Variants in PCSK5 observed in about 807,000 individuals in gnomAD.
The protein encoded by PCSK5 is proprotein convertase subtilisin/kexin type 5.
Under a neutral mutation model 233.2 loss-of-function variants are expected in PCSK5, and 129 were observed. The ratio of observed to expected loss-of-function variants is 0.55; its 90% CI spans 0.48 to 0.64. The LOEUF (loss-of-function observed/expected upper bound fraction) is 0.64. PCSK5 is among the 30% of genes least tolerant of loss of function. PCSK5 has a pLI of 0.00. For synonymous variants in PCSK5, 825 were observed against 879.2 expected (o/e 0.94, Z 1.09); for missense variants, 2,076 against 2,430.1 (o/e 0.85, Z 3.06).
chr9:75,992,869 G>A (rs914097106), intron 3 of PCSK5, among the ~76,000 whole-genome samples: 1 of 152,154 alleles, frequency 6.6e-6, no homozygotes, highest in Non-Finnish European at 1.5e-5. Flanking sequence ...ATTCATATTT[G>A]TCGATCAGCA....
chr9:75,982,308 C>T (rs1464838046), intron 2 of PCSK5, among the ~76,000 whole-genome samples: 1 of 152,166 alleles, frequency 6.6e-6, no homozygotes, highest in Admixed American at 6.5e-5. Flanking sequence ...CGCACATTCA[C>T]ATGTGTACAT....
intron 5 of PCSK5, among the ~76,000 whole-genome samples, chr9:76,035,038 T>C (rs1206616303): frequency 1.3e-5 from 2 of 152,192 alleles, no homozygotes; most frequent in Non-Finnish European, 2.9e-5. Context: ...TTGTCTGTCT[T>C]GCCCTCTGGC....
chr9:76,118,749 C>G (rs895590880), intron 9 of PCSK5, among the ~76,000 whole-genome samples: 1 of 151,730 alleles, frequency 6.6e-6, no homozygotes, highest in African/African-American at 2.4e-5. Flanking sequence ...TTTTACAAAA[C>G]ATATATATAA....
chr9:76,065,444 G>A (rs1352157817), intron 5 of PCSK5, among the ~76,000 whole-genome samples: 2 of 152,088 alleles, frequency 1.3e-5, no homozygotes, highest in Non-Finnish European at 2.9e-5. Flanking sequence ...CATACCCGTA[G>A]TCCAATTATA....
At chr9:76,312,640 G>A (rs998275288) in intron 30 of PCSK5, among the ~76,000 whole-genome samples, 1 of 151,932 alleles carries the variant, frequency 6.6e-6, no homozygotes, top group African/African-American at 2.4e-5. Flanking sequence ...TAAATATAAG[G>A]TATTTACCCT....
At chr9:76,279,022 A>T (rs1299535343) in intron 24 of PCSK5, among the ~76,000 whole-genome samples, 1 of 148,556 alleles carries the variant, frequency 6.7e-6, no homozygotes, top group Non-Finnish European at 1.5e-5. Context: ...CTAACTCGTC[A>T]TCTAGCATTA....
chr9:76,148,539 A>G (rs1018082501), intron 10 of PCSK5, among the ~76,000 whole-genome samples: 4 of 152,048 alleles, frequency 2.6e-5, no homozygotes, highest in African/African-American at 9.7e-5. Context: ...GGCCCTCTCT[A>G]TGTCATTTAC....
At chr9:76,023,108 A>G (rs958371456) in intron 3 of PCSK5, among the ~76,000 whole-genome samples, 5 of 152,218 alleles carry the variant, frequency 3.3e-5, no homozygotes, top group African/African-American at 4.8e-5. Context: ...ATGAAATGCT[A>G]TGATGCCTAT....
intron 7 of PCSK5, among the ~76,000 whole-genome samples, chr9:76,079,131 A>C (rs1181414272): frequency 6.6e-6 from 1 of 150,796 alleles, no homozygotes; most frequent in African/African-American, 2.4e-5. Context: ...GATGGAGTTC[A>C]CCCTGTCACC....
chr9:76,308,603 A>G (rs1303880540), intron 28 of PCSK5, 42 bp from the exon 29 acceptor site: 18 of 1,158,632 alleles, frequency 1.6e-5, no homozygotes, highest in Non-Finnish European at 2.3e-5. Context: ...CTATGTGCCT[A>G]TTCCAAGGAG....
At chr9:75,901,463 G>A (rs140633464) in intron 1 of PCSK5, among the ~76,000 whole-genome samples, 260 of 152,196 alleles carry the variant, frequency 1.7e-3, no homozygotes, top group African/African-American at 6.1e-3. Flanking sequence ...ACACACTGGA[G>A]CCTGTTGGGG....
chr9:76,114,705 T>C (rs1832356135), intron 9 of PCSK5, among the ~76,000 whole-genome samples: 1 of 144,108 alleles, frequency 6.9e-6, no homozygotes, highest in African/African-American at 2.9e-5. Flanking sequence ...TTTTGAAAAA[T>C]GTTATTAGTC....
chr9:76,100,317 C>T (rs1259093731), intron 8 of PCSK5, among the ~76,000 whole-genome samples: 2 of 152,234 alleles, frequency 1.3e-5, no homozygotes, highest in Admixed American at 1.3e-4. Context: ...GTTCACATTT[C>T]ATGTCTCACA....
At chr9:76,347,540 T>C (rs560644256) in intron 35 of PCSK5, among the ~76,000 whole-genome samples, 1 of 152,268 alleles carries the variant, frequency 6.6e-6, no homozygotes, top group East Asian at 1.9e-4. Flanking sequence ...TACAGTGCCC[T>C]TGGGTATTGC....
intron 32 of PCSK5, among the ~76,000 whole-genome samples, chr9:76,327,604 G>T (rs1017233124): frequency 2.0e-5 from 3 of 152,070 alleles, no homozygotes; most frequent in Admixed American, 6.6e-5. Flanking sequence ...CTGTATTCGT[G>T]ATAAGCTCAA....
At chr9:76,092,470 T>C in intron 7 of PCSK5, among the ~76,000 whole-genome samples, 1 of 152,180 alleles carries the variant, frequency 6.6e-6, no homozygotes, top group Non-Finnish European at 1.5e-5. Flanking sequence ...TGAGCATAGC[T>C]GCCTGCAGCC....
At chr9:76,157,333 G>A (rs1031738185) in intron 11 of PCSK5, among the ~76,000 whole-genome samples, 171 bp downstream of exon 11, 4 of 152,136 alleles carry the variant, frequency 2.6e-5, no homozygotes, top group South Asian at 4.1e-4. Context: ...GGTTAAATTC[G>A]TACTAGTATA....
At chr9:76,174,309 A>AT (rs199929777) in intron 13 of PCSK5, among the ~76,000 whole-genome samples, 1,436 of 143,206 alleles carry the variant, frequency 0.01, 19 homozygotes, top group African/African-American at 0.029. Flanking sequence ...CCAAAAAAAA[A>AT]TTTTTTTTTT....
At chr9:76,207,284 G>T (rs1250062371) in intron 20 of PCSK5, among the ~76,000 whole-genome samples, 1 of 152,162 alleles carries the variant, frequency 6.6e-6, no homozygotes, top group African/African-American at 2.4e-5. Context: ...ATCTTTGGAG[G>T]CCATTTTACG....
Sources: allele counts gnomAD v4.1 joint callset (sites outside exome capture counted in the v4.1 genomes callset), GRCh38; gene constraint gnomAD v4.1.1; transcripts MANE v1.5; gene names NCBI Gene and HGNC (gene_info 2026-07-23, HGNC 2026-07-21).